PIGB: variants seen among roughly 807,000 people sequenced by gnomAD.
PIGB encodes the protein GPI alpha-1,2-mannosyltransferase 3.
A neutral mutation model predicts 68.4 loss-of-function variants in PIGB; 58 were observed. The observed-to-expected ratio is 0.85, with a 90% CI of 0.69 to 1.06. The LOEUF (loss-of-function observed/expected upper bound fraction) is 1.06. PIGB is among the 50% of genes least tolerant of loss of function. PIGB has a pLI of 0.00. For missense variants in PIGB, 634 were observed against 655.8 expected, an observed-to-expected ratio of 0.97 and a Z score of 0.36; for synonymous variants, 219 against 220.5, an observed-to-expected ratio of 0.99 and a Z score of 0.06.
Position 55,350,861 on chromosome 15 carries a change from C to T in PIGB, c.1286C>T (p.Ser429Phe), listed in dbSNP as rs1274046886. 1 of 1,607,458 alleles carries T rather than the reference C, an allele frequency of 6.2e-7. No individual in the cohort carries two copies. The highest frequency in any genetic ancestry group is 2.2e-5 in the East Asian group (1 of 44,768). ...GTTTGTTACAACAATCCCAATAAAT[C>T]TTCAGCTTCAATATTTATAATGATG... ...QKVCYNNPNK[S>F]SASIFIMMPC... is the part of the protein sequence containing the mutation. The change falls in exon 10 of 12, where the codon TCT becomes TTT. Residue 429 changes from serine to phenylalanine, a missense_variant. Physicochemically the swap from Ser to Phe is radical, Grantham distance 155. Transcript: ENST00000164305.
chr15:55,355,085 C>A, intron 11 of PIGB, 107 bp downstream of exon 11: 2 of 1,016,788 alleles, frequency 2.0e-6, no homozygotes, highest in Non-Finnish European at 2.9e-6. Context: ...CTGTTTCAAC[C>A]CACATTTCAT....
At chr15:55,326,088 T>G (rs2141169610) in intron 3 of PIGB, among the ~76,000 whole-genome samples, 1 of 151,886 alleles carries the variant, frequency 6.6e-6, no homozygotes. Context: ...TCCCAGCTAC[T>G]CAGGAGGCTG....
At chr15:55,319,850 T>C (rs2141156003) in intron 1 of PIGB, 1 of 178,474 alleles carries the variant, frequency 5.6e-6, no homozygotes, top group East Asian at 1.6e-4. Flanking sequence ...GTGCCTGGCA[T>C]ATATAATAGT....
chr15:55,351,873 CA>C (rs748534093), intron 10 of PIGB: 3,104 of 54,868 alleles, frequency 0.057, 69 homozygotes, highest in African/African-American at 0.19. Flanking sequence ...ACTCTGTCTC[CA>C]AAAAAAAAAA....
chr15:55,342,454 G>A (rs1051871204), intron 9 of PIGB, among the ~76,000 whole-genome samples: 15 of 152,140 alleles, frequency 9.9e-5, no homozygotes, highest in African/African-American at 2.7e-4. Context: ...GCAGTGGCAC[G>A]ATCTTGGCTC....
At chr15:55,354,576 G>C (rs1470301146) in intron 10 of PIGB, 2 of 465,092 alleles carry the variant, frequency 4.3e-6, no homozygotes, top group Non-Finnish European at 7.5e-6. Flanking sequence ...CACTAGTTTG[G>C]GCTTATAGGT....
chr15:55,353,664 G>A (rs2444040), intron 10 of PIGB, among the ~76,000 whole-genome samples: 2,630 of 152,052 alleles, frequency 0.017, 75 homozygotes, highest in African/African-American at 0.06. Context: ...GTGCAGTGGC[G>A]TATGATCTCA....
At chr15:55,336,297 G>T (rs1174999619) in intron 6 of PIGB, among the ~76,000 whole-genome samples, 2 of 151,878 alleles carry the variant, frequency 1.3e-5, no homozygotes, top group Non-Finnish European at 2.9e-5. Context: ...GATGAGGCAG[G>T]AGGATCCCTT....
chr15:55,320,226 A>G (rs755092519), intron 1 of PIGB, 49 bp from the exon 2 acceptor site: 3 of 1,581,022 alleles, frequency 1.9e-6, no homozygotes, highest in East Asian at 4.5e-5. Context: ...TTGCAAGTGG[A>G]ACTGCCTGAC....
intron 9 of PIGB, chr15:55,349,464 T>C (rs2055877423): frequency 6.6e-6 from 1 of 152,226 alleles, no homozygotes; most frequent in Admixed American, 6.5e-5. Flanking sequence ...TAGTTCTAAT[T>C]ATCATTCCTT....
intron 2 of PIGB, 66 bp from the exon 3 acceptor site, chr15:55,321,207 T>TTA: frequency 8.7e-7 from 1 of 1,154,516 alleles, no homozygotes; most frequent in Non-Finnish European, 1.2e-6. Context: ...GACCCCATCT[T>TTA]AAAAAAAAAA....
intron 5 of PIGB, among the ~76,000 whole-genome samples, chr15:55,330,996 A>G (rs1466080222): frequency 2.6e-5 from 4 of 152,194 alleles, no homozygotes; most frequent in Non-Finnish European, 4.4e-5. Context: ...GAGCCACACA[A>G]ATGAATTGAA....
At chr15:55,327,476 C>G in intron 3 of PIGB, 55 bp from the exon 4 acceptor site, 1 of 1,137,150 alleles carries the variant, frequency 8.8e-7, no homozygotes, top group Non-Finnish European at 1.3e-6. Flanking sequence ...TATCATAATT[C>G]AGTTTGAACC....
rs769057442 is a variant in PIGB, at chr15:55,319,248, G to C, written c.-3G>C. The C allele has an allele frequency of 6.2e-7, 1 of 1,604,078 alleles. No homozygotes were observed. Among genetic ancestry groups the C allele is most frequent in the Admixed American group, 1.7e-5 (1 of 58,548 alleles). On this transcript the variant is annotated 5_prime_UTR_variant, in exon 1 of 12. Coordinates refer to ENST00000164305, the MANE Select transcript of PIGB (RefSeq NM_004855.5). Reference sequence around the variant, plus strand: ...TTCCGCCTTAGGAAGGTGGCGGCCAGGGATGAGGAGGCCCCTAAGCAAGTG... The same window carrying C: ...TTCCGCCTTAGGAAGGTGGCGGCCACGGATGAGGAGGCCCCTAAGCAAGTG...
rs548875996 is a variant in PIGB at position 55,320,205 on chromosome 15, G to C, written c.164-70G>C. The C allele has an allele frequency of 4.7e-4, 694 of 1,484,154 alleles. 1 individual carries two copies. In the South Asian group the frequency reaches 7.9e-3, roughly 17 times the overall value. 91.9% of individuals were successfully genotyped at this position (1,484,154 alleles called of 1,614,324 possible). A position where few individuals can be genotyped will look rare whatever the true frequency, so the allele number is the denominator to read the frequency against. On this transcript the variant is annotated intron_variant, in intron 1 of 11. Coordinates refer to ENST00000164305, the MANE Select transcript of PIGB (RefSeq NM_004855.5). Reference sequence around the variant, plus strand: ...TTACAAGGAGCCAACCAGAGCAGCAGATTTTAAGTTTTGCAAGTGGAACTG... The same window carrying C: ...TTACAAGGAGCCAACCAGAGCAGCACATTTTAAGTTTTGCAAGTGGAACTG...
rs564239997 is a variant in PIGB, at chr15:55,320,342, A to T, written c.231A>T (p.Leu77Phe). ...TIALRILNCF[L>F]VQTSFVPDEY... Reference sequence around the variant, plus strand: ...CTTTACGAATATTAAACTGCTTTTTAGTGCAGACAAGTTTTGTTCCAGATG... The same window carrying T: ...CTTTACGAATATTAAACTGCTTTTTTGTGCAGACAAGTTTTGTTCCAGATG... The change falls in exon 2 of 12, where the codon TTA becomes TTT. Residue 77 changes from leucine to phenylalanine, a missense_variant. Physicochemically the swap from Leu to Phe is conservative, Grantham distance 22. Transcript: ENST00000164305. The T allele has an allele frequency of 1.9e-6, 3 of 1,613,086 alleles. No homozygotes were observed. The South Asian group carries it at 3.3e-5, about 18-fold the overall frequency.
chr15:55,332,690 T>G (rs1294049539), intron 5 of PIGB, among the ~76,000 whole-genome samples: 1 of 152,192 alleles, frequency 6.6e-6, no homozygotes, highest in Non-Finnish European at 1.5e-5. Flanking sequence ...TTCTTTATAG[T>G]TATTTTTATT....
chr15:55,325,414 G>A (rs2055258768), intron 3 of PIGB, among the ~76,000 whole-genome samples: 1 of 152,076 alleles, frequency 6.6e-6, no homozygotes, highest in South Asian at 2.1e-4. Flanking sequence ...ATTAAATTGT[G>A]CTCTACCAGC....
At chr15:55,349,854 C>T (rs1176627428) in intron 9 of PIGB, 2 of 152,142 alleles carry the variant, frequency 1.3e-5, no homozygotes, top group Non-Finnish European at 2.9e-5. Flanking sequence ...GTCATGCTTA[C>T]TAATAAGCTT....
Sources: allele counts gnomAD v4.1 joint callset (sites outside exome capture counted in the v4.1 genomes callset), GRCh38; gene constraint gnomAD v4.1.1; transcripts MANE v1.5; gene names NCBI Gene and HGNC (gene_info 2026-07-23, HGNC 2026-07-21).